The following CATSPERT variants were observed in gnomAD, a reference collection of about 807,000 sequenced individuals.
CATSPERT encodes cation channel sperm-associated targeting subunit tau.
the CATSPERT span, among the ~76,000 whole-genome samples, chr2:201,567,357 T>C: frequency 6.6e-6 from 1 of 152,166 alleles, no homozygotes; most frequent in Non-Finnish European, 1.5e-5. Context: ...GTCAGGGTTG[T>C]CCATAAAAAG....
At chr2:201,537,406 T>G in the CATSPERT span, 4 of 1,533,968 alleles carry the variant, frequency 2.6e-6, no homozygotes, top group Non-Finnish European at 3.6e-6. Flanking sequence ...AAATAATGAC[T>G]ATTAAAAGTT....
At chr2:201,497,233 C>G in the CATSPERT span, among the ~76,000 whole-genome samples, 2 of 152,220 alleles carry the variant, frequency 1.3e-5, no homozygotes, top group African/African-American at 4.8e-5. Context: ...TCCTCACATA[C>G]CAACTCTATA....
At chr2:201,494,169 G>T in the CATSPERT span, 1 of 1,531,892 alleles carries the variant, frequency 6.5e-7, no homozygotes, top group South Asian at 1.2e-5. Context: ...TTTCCAATAC[G>T]TTGTCTTCCA....
At chr2:201,594,269 T>C in the CATSPERT span, among the ~76,000 whole-genome samples, 1 of 152,228 alleles carries the variant, frequency 6.6e-6, no homozygotes, top group Non-Finnish European at 1.5e-5. Context: ...AAATTCTGGG[T>C]TGAAAATTCT....
At chr2:201,562,316 T>G in the CATSPERT span, among the ~76,000 whole-genome samples, 1 of 149,792 alleles carries the variant, frequency 6.7e-6, no homozygotes, top group Admixed American at 6.7e-5. Flanking sequence ...GCCTCCCGAG[T>G]AGGTGGGACT....
the CATSPERT span, among the ~76,000 whole-genome samples, chr2:201,575,674 C>T: frequency 3.9e-5 from 6 of 152,344 alleles, no homozygotes; most frequent in African/African-American, 1.4e-4. Context: ...CTGTCACTGC[C>T]TCCCATCGTC....
the CATSPERT span, among the ~76,000 whole-genome samples, chr2:201,601,317 G>GTGT: frequency 0.13 from 16,025 of 127,896 alleles, 1,286 homozygotes; most frequent in Non-Finnish European, 0.16. Flanking sequence ...TGTGTGTGTG[G>GTGT]GTTGTAATAA....
At chr2:201,534,800 T>C in the CATSPERT span, 2 of 903,190 alleles carry the variant, frequency 2.2e-6, no homozygotes, top group South Asian at 5.1e-5. Context: ...TCAAACTTAA[T>C]GTCCAACAAT....
the CATSPERT span, among the ~76,000 whole-genome samples, chr2:201,572,990 A>T: frequency 6.6e-6 from 1 of 152,214 alleles, no homozygotes; most frequent in African/African-American, 2.4e-5. Context: ...TGAAAGTGAA[A>T]AATGATATGC....
chr2:201,568,438 T>C, the CATSPERT span, among the ~76,000 whole-genome samples: 1 of 152,220 alleles, frequency 6.6e-6, no homozygotes, highest in Non-Finnish European at 1.5e-5. Flanking sequence ...AAACTGCTCC[T>C]GATGGTCTTT....
the CATSPERT span, chr2:201,493,315 T>A: frequency 6.5e-7 from 1 of 1,536,746 alleles, no homozygotes; most frequent in Non-Finnish European, 8.7e-7. Context: ...TTGGTCTTCC[T>A]GTATAAATTC....
chr2:201,498,363 G>T, the CATSPERT span, among the ~76,000 whole-genome samples: 1 of 152,058 alleles, frequency 6.6e-6, no homozygotes, highest in Admixed American at 6.6e-5. Flanking sequence ...CCTGGAGTCT[G>T]ATGTCCCAGG....
the CATSPERT span, among the ~76,000 whole-genome samples, chr2:201,544,821 C>CAAAAAAA: frequency 1.1e-5 from 1 of 92,610 alleles, no homozygotes; most frequent in Non-Finnish European, 2.2e-5. Context: ...CCTGTCTCTA[C>CAAAAAAA]AAAAAAAAAA....
chr2:201,618,752 GA>G, the CATSPERT span: 2,155 of 384,830 alleles, frequency 5.6e-3, 5 homozygotes, highest in African/African-American at 0.011. Flanking sequence ...TGCTATAAAC[GA>G]AAAAAAAAAG....
the CATSPERT span, among the ~76,000 whole-genome samples, chr2:201,498,749 C>T: frequency 6.6e-6 from 1 of 152,158 alleles, no homozygotes; most frequent in Non-Finnish European, 1.5e-5. Flanking sequence ...TTGGACCCTT[C>T]GTTATCACCC....
the CATSPERT span, among the ~76,000 whole-genome samples, chr2:201,513,336 C>T: frequency 3.3e-5 from 5 of 152,252 alleles, no homozygotes; most frequent in South Asian, 1.0e-3. Flanking sequence ...AAATGCTCAG[C>T]ATCACTAATC....
the CATSPERT span, chr2:201,487,882 C>G: frequency 6.2e-7 from 1 of 1,609,120 alleles, no homozygotes; most frequent in Non-Finnish European, 8.5e-7. Flanking sequence ...CATGTAAATC[C>G]TCAAATTTAT....
chr2:201,612,699 C>T, the CATSPERT span, among the ~76,000 whole-genome samples: 1 of 151,768 alleles, frequency 6.6e-6, no homozygotes, highest in South Asian at 2.1e-4. Context: ...GTACTGGGTT[C>T]ATCTCACTGG....
chr2:201,618,036 A>G, the CATSPERT span, among the ~76,000 whole-genome samples: 21 of 152,098 alleles, frequency 1.4e-4, no homozygotes, highest in African/African-American at 4.6e-4. Context: ...TTAGAATGGC[A>G]ATCATTAAAA....
Sources: gnomAD v4.1 joint callset for allele counts (sites outside exome capture counted in the v4.1 genomes callset) on GRCh38, gnomAD v4.1.1 for gene constraint, MANE v1.5 for transcripts, NCBI Gene and HGNC (gene_info 2026-07-23, HGNC 2026-07-21) for gene names.